The following RORA variants were observed in gnomAD, a reference collection of about 807,000 sequenced individuals.
RORA encodes the protein RAR related orphan receptor A.
In RORA, 7 loss-of-function variants were observed where a neutral mutation model predicts 69.5. The observed-to-expected ratio is 0.10, with a 90% CI of 0.06 to 0.19. RORA has a LOEUF of 0.19. RORA is among the 10% of genes least tolerant of loss of function. The pLI, the probability that RORA is intolerant of heterozygous loss-of-function variation, is 1.00. For missense variants in RORA, 457 were observed against 663.0 expected, an observed-to-expected ratio of 0.69 and a Z score of 3.41; for synonymous variants, 261 against 240.8, an observed-to-expected ratio of 1.08 and a Z score of -0.78.
chr15:60,613,694 A>ATATG (rs1469273534), intron 2 of RORA, among the ~76,000 whole-genome samples: 3 of 119,076 alleles, frequency 2.5e-5, no homozygotes, highest in Non-Finnish European at 5.3e-5. Flanking sequence ...TCAATTTGAT[A>ATATG]TCTGTGTGTG....
intron 1 of RORA, among the ~76,000 whole-genome samples, chr15:61,010,725 A>C (rs540218253): frequency 5.9e-5 from 9 of 152,316 alleles, no homozygotes; most frequent in Admixed American, 6.5e-5. Context: ...CAATGAAGTC[A>C]TATTAGGACT....
chr15:60,731,021 T>C (rs1033675953), intron 1 of RORA, among the ~76,000 whole-genome samples: 1 of 152,178 alleles, frequency 6.6e-6, no homozygotes. Context: ...TGATACCCAT[T>C]AGTTATTCTT....
At chr15:60,999,030 C>T (rs1373562343) in intron 1 of RORA, among the ~76,000 whole-genome samples, 1 of 152,108 alleles carries the variant, frequency 6.6e-6, no homozygotes, top group African/African-American at 2.4e-5. Flanking sequence ...AATAAACAAC[C>T]ACACTGGATT....
At chr15:60,793,927 G>T (rs1473434873) in intron 1 of RORA, among the ~76,000 whole-genome samples, 1 of 152,186 alleles carries the variant, frequency 6.6e-6, no homozygotes, top group Non-Finnish European at 1.5e-5. Flanking sequence ...GCCGGATTAA[G>T]CAAGCAGTGG....
intron 1 of RORA, among the ~76,000 whole-genome samples, chr15:61,124,129 G>A (rs1027457687): frequency 6.6e-6 from 1 of 152,186 alleles, no homozygotes; most frequent in African/African-American, 2.4e-5. Context: ...GCTGCTTCCT[G>A]AGGTCAGCCT....
chr15:61,021,980 C>T (rs779139652), intron 1 of RORA, among the ~76,000 whole-genome samples: 16 of 152,184 alleles, frequency 1.1e-4, no homozygotes, highest in Non-Finnish European at 1.5e-4. Flanking sequence ...AGAATAAGTG[C>T]CCTTGGTCAA....
rs922482147 is a variant in RORA, at chr15:60,808,416, T to C, written c.167-129730A>G. Among the ~76,000 whole-genome samples the C allele has an allele frequency of 2.0e-5, 3 of 152,048 alleles. No individual in the cohort carries two copies. In the South Asian group the frequency reaches 6.2e-4, roughly 32 times the overall value. ...TAATAAAAAAAATTTAAAAAATAGA[T>C]GTTAGTGCTGATGTGGTGAAAAGGG... On this transcript the variant is annotated intron_variant, in intron 1 of 10. Coordinates refer to ENST00000335670, the MANE Select transcript of RORA (RefSeq NM_134261.3).
At chr15:60,632,192 A>G (rs911546620) in intron 2 of RORA, among the ~76,000 whole-genome samples, 2 of 150,592 alleles carry the variant, frequency 1.3e-5, no homozygotes, top group African/African-American at 4.9e-5. Flanking sequence ...TGCAAGCTCC[A>G]CCTCCCGGAT....
chr15:60,900,191 G>C (rs981997786), intron 1 of RORA, among the ~76,000 whole-genome samples: 1 of 144,692 alleles, frequency 6.9e-6, no homozygotes, highest in African/African-American at 2.5e-5. Flanking sequence ...GTCATTTATT[G>C]TCTGCCAGAT....
At chr15:60,544,535 G>T (rs2067008775) in intron 2 of RORA, among the ~76,000 whole-genome samples, 1 of 152,140 alleles carries the variant, frequency 6.6e-6, no homozygotes, top group Non-Finnish European at 1.5e-5. Context: ...ATGAAACGAA[G>T]AGAATTTTTT....
At position 61,229,128 on chromosome 15, in the gene RORA, G is replaced by C; in HGVS notation, c.91C>G (p.Leu31Val). 6.5e-7 allele frequency: 1 copy of C among 1,542,698 alleles called. No homozygotes were observed. The highest frequency in any genetic ancestry group is 1.4e-5 in the African/African-American group (1 of 72,074). ...CTCTTGCGGGCGGATTCCTGGTTCA[G>C]CGGGGTCTCCCTGGAGCCGGCGGCC... ...DAAAGSRETP[L>V]NQESARKSEP... The change falls in exon 1 of 11, where the codon CTG becomes GTG. Residue 31 changes from leucine (L) to valine (V), a missense_variant. Around this residue, in one of 3 missense-constraint regions of RORA, gnomAD observed 119 missense variants for 92.4 expected, o/e 1.29. Coordinates refer to ENST00000335670, the MANE Select transcript of RORA (RefSeq NM_134261.3).
intron 1 of RORA, among the ~76,000 whole-genome samples, chr15:61,016,983 A>G (rs950278339): frequency 6.6e-6 from 1 of 152,192 alleles, no homozygotes; most frequent in Admixed American, 6.5e-5. Flanking sequence ...AAAGTTACCC[A>G]CTTTCCTATA....
intron 1 of RORA, among the ~76,000 whole-genome samples, chr15:60,690,474 G>A (rs2070807066): frequency 6.6e-6 from 1 of 152,214 alleles, no homozygotes; most frequent in Non-Finnish European, 1.5e-5. Flanking sequence ...GACAGGACCT[G>A]TGAGCAGAGC....
intron 1 of RORA, among the ~76,000 whole-genome samples, chr15:61,046,978 T>G (rs1897058916): frequency 6.6e-6 from 1 of 152,240 alleles, no homozygotes; most frequent in East Asian, 1.9e-4. Context: ...TTGCTCGAAA[T>G]GGCTGCCTCG....
intron 1 of RORA, among the ~76,000 whole-genome samples, chr15:60,680,108 G>A (rs1464703276): frequency 6.6e-6 from 1 of 152,200 alleles, no homozygotes; most frequent in Non-Finnish European, 1.5e-5. Context: ...AGGGAGTAAA[G>A]TTTAAAATCT....
At chr15:60,613,713 T>G (rs1456463356) in intron 2 of RORA, among the ~76,000 whole-genome samples, 3 of 144,388 alleles carry the variant, frequency 2.1e-5, no homozygotes, top group Admixed American at 1.4e-4. Flanking sequence ...TGTGTGTGTG[T>G]GTGTGTGTGT....
intron 1 of RORA, among the ~76,000 whole-genome samples, chr15:60,879,435 A>G (rs2073654942): frequency 6.6e-6 from 1 of 152,238 alleles, no homozygotes; most frequent in Non-Finnish European, 1.5e-5. Context: ...CCAGGCACAC[A>G]ATCAATGCTA....
intron 1 of RORA, among the ~76,000 whole-genome samples, chr15:60,762,359 G>T (rs1157047804): frequency 3.3e-5 from 5 of 152,176 alleles, no homozygotes; most frequent in African/African-American, 4.8e-5. Context: ...TAGACCCAAA[G>T]CAGCCAGACA....
intron 1 of RORA, among the ~76,000 whole-genome samples, chr15:61,064,620 C>T (rs2078232198): frequency 6.6e-6 from 1 of 152,180 alleles, no homozygotes; most frequent in African/African-American, 2.4e-5. Context: ...CCAAATTCCT[C>T]TGGTGTCAGT....
Sources: allele counts gnomAD v4.1 joint callset (sites outside exome capture counted in the v4.1 genomes callset), GRCh38; gene constraint gnomAD v4.1.1; regional missense constraint gnomAD v4.1.1; transcripts MANE v1.5; gene names NCBI Gene and HGNC (gene_info 2026-07-23, HGNC 2026-07-21).